Variants in PLPPR1 observed in about 807,000 individuals in gnomAD.
The protein encoded by PLPPR1 is phospholipid phosphatase-related protein type 1.
A neutral mutation model predicts 33.1 loss-of-function variants in PLPPR1; 10 were observed. The observed-to-expected ratio is 0.30, with a 90% CI of 0.19 to 0.51. The LOEUF is 0.51. Among genes scored for constraint, PLPPR1 ranks in the 20% least tolerant of loss-of-function variants. PLPPR1 has a pLI of 0.97. For missense variants in PLPPR1, 304 were observed against 408.1 expected, an observed-to-expected ratio of 0.74 and a Z score of 2.20; for synonymous variants, 151 against 151.0, an observed-to-expected ratio of 1.00 and a Z score of 0.00.
At chr9:101,167,478 T>C (rs1036424129) in intron 1 of PLPPR1, among the ~76,000 whole-genome samples, 4 of 151,698 alleles carry the variant, frequency 2.6e-5, no homozygotes, top group African/African-American at 9.7e-5. Context: ...TCTCAGGGCA[T>C]TTCCTTTCTT....
chr9:101,033,116 C>T (rs1347142832), intron 1 of PLPPR1, among the ~76,000 whole-genome samples: 1 of 152,186 alleles, frequency 6.6e-6, no homozygotes, highest in Non-Finnish European at 1.5e-5. Context: ...GCCATCAACA[C>T]TGCAGACCCA....
intron 4 of PLPPR1, among the ~76,000 whole-genome samples, chr9:101,292,588 A>C (rs906975046): frequency 4.3e-4 from 58 of 134,074 alleles, no homozygotes; most frequent in Non-Finnish European, 7.5e-4. Flanking sequence ...CTAACAGCGG[A>C]TCTCTTGGCA....
rs184240456 is a variant in PLPPR1 at position 101,058,679 on chromosome 9, T to G, written c.-46+29577T>G. Among the ~76,000 whole-genome samples, 3 of 152,308 alleles carry G rather than the reference T, an allele frequency of 2.0e-5. No homozygotes were observed. The East Asian group carries it at 5.8e-4, about 29-fold the overall frequency. ...TAAATTATTTTTTTCTAATTTTCTA[T>G]GCCATCTCTTTTATTTCTCACTGCT... On this transcript the variant is annotated intron_variant, in intron 1 of 7. Coordinates refer to ENST00000374874, the MANE Select transcript of PLPPR1 (RefSeq NM_207299.2).
rs201003910 is a variant in PLPPR1 at position 101,309,269 on chromosome 9, C to T, written c.444C>T (p.Val148=). ...TTTTTGTAAACGCCGGACAAGTGGTCACTGGGCACTTAACGCCATACTTCC... is the reference window on the plus strand; with the variant it reads ...TTTTTGTAAACGCCGGACAAGTGGTTACTGGGCACTTAACGCCATACTTCC... ...TDIFVNAGQV[V]TGHLTPYFLT... is the part of the protein sequence containing the mutation. Residue 148 remains valine (V), a synonymous_variant, in exon 5 of 8, where the codon GTC becomes GTT. Coordinates refer to ENST00000374874, the MANE Select transcript of PLPPR1 (RefSeq NM_207299.2). 6.8e-6 allele frequency: 11 copies of T among 1,614,128 alleles called. No individual in the cohort carries two copies. The highest frequency in any genetic ancestry group is 9.3e-6 in the Non-Finnish European group (11 of 1,180,024).
At chr9:101,230,577 C>T (rs1827161171) in intron 2 of PLPPR1, among the ~76,000 whole-genome samples, 2 of 152,092 alleles carry the variant, frequency 1.3e-5, no homozygotes, top group South Asian at 4.1e-4. Flanking sequence ...CTGTGGTTTT[C>T]TAGCACTATC....
chr9:101,133,942 C>T (rs985812685), intron 1 of PLPPR1, among the ~76,000 whole-genome samples: 4 of 152,076 alleles, frequency 2.6e-5, no homozygotes, highest in East Asian at 1.9e-4. Context: ...AAATTGGATC[C>T]GTAATACTAT....
chr9:101,323,318 GAC>G (rs1265031045), intron 7 of PLPPR1, among the ~76,000 whole-genome samples: 3 of 151,406 alleles, frequency 2.0e-5, no homozygotes, highest in African/African-American at 7.3e-5. Flanking sequence ...AACATAGTGA[GAC>G]ACTGTCTCTA....
At chr9:101,086,403 A>G (rs1456638698) in intron 1 of PLPPR1, among the ~76,000 whole-genome samples, 2 of 152,226 alleles carry the variant, frequency 1.3e-5, no homozygotes, top group Non-Finnish European at 2.9e-5. Flanking sequence ...GAGTTGTCCT[A>G]TGATGGGTCA....
intron 6 of PLPPR1, among the ~76,000 whole-genome samples, chr9:101,316,446 G>GA (rs918346531): frequency 8.6e-5 from 13 of 150,978 alleles, no homozygotes; most frequent in Non-Finnish European, 1.6e-4. Flanking sequence ...CAAAAAAAAA[G>GA]AAAAAAGAAA....
At chr9:101,145,050 C>T (rs1005429415) in intron 1 of PLPPR1, among the ~76,000 whole-genome samples, 1 of 152,074 alleles carries the variant, frequency 6.6e-6, no homozygotes, top group Admixed American at 6.6e-5. Context: ...TTTCAGTTAA[C>T]ATAATGTCCT....
chr9:101,113,458 T>G (rs1831081542), intron 1 of PLPPR1, among the ~76,000 whole-genome samples: 1 of 152,124 alleles, frequency 6.6e-6, no homozygotes, highest in Non-Finnish European at 1.5e-5. Context: ...GAAATAGATC[T>G]CTTATAAGAT....
intron 2 of PLPPR1, among the ~76,000 whole-genome samples, chr9:101,213,041 C>T (rs1290569503): frequency 1.3e-5 from 2 of 152,086 alleles, no homozygotes; most frequent in Non-Finnish European, 2.9e-5. Context: ...GCTATTATTG[C>T]CTTCACTTTA....
At chr9:101,185,736 T>A (rs1305148541) in intron 2 of PLPPR1, among the ~76,000 whole-genome samples, 179 bp downstream of exon 2, 1 of 151,784 alleles carries the variant, frequency 6.6e-6, no homozygotes, top group Non-Finnish European at 1.5e-5. Context: ...AGTCATAGAG[T>A]AAGAATTTTT....
At chr9:101,279,784 A>G (rs1828263094) in intron 3 of PLPPR1, among the ~76,000 whole-genome samples, 1 of 152,130 alleles carries the variant, frequency 6.6e-6, no homozygotes. Flanking sequence ...AACACAACAT[A>G]CCAAAGTGGA....
intron 2 of PLPPR1, among the ~76,000 whole-genome samples, chr9:101,247,762 C>G (rs1448410583): frequency 6.6e-6 from 1 of 152,068 alleles, no homozygotes; most frequent in South Asian, 2.1e-4. Flanking sequence ...TCACTGGCCC[C>G]CAGGTAGAGG....
intron 7 of PLPPR1, among the ~76,000 whole-genome samples, chr9:101,318,129 A>T (rs1361016219): frequency 6.6e-6 from 1 of 151,954 alleles, no homozygotes; most frequent in African/African-American, 2.4e-5. Context: ...CCAAGAGTTG[A>T]AGACCAACCT....
At chr9:101,167,993 C>T (rs1306757595) in intron 1 of PLPPR1, among the ~76,000 whole-genome samples, 1 of 151,734 alleles carries the variant, frequency 6.6e-6, no homozygotes, top group Non-Finnish European at 1.5e-5. Flanking sequence ...AGGGAAATTC[C>T]CCTTTGTAAA....
chr9:101,308,714 T>G (rs978955888), intron 4 of PLPPR1, among the ~76,000 whole-genome samples: 7 of 151,306 alleles, frequency 4.6e-5, no homozygotes, highest in South Asian at 2.1e-4. Context: ...AAATAACTCC[T>G]CCCAAGATGA....
intron 1 of PLPPR1, among the ~76,000 whole-genome samples, chr9:101,037,144 T>A (rs1830019745): frequency 6.6e-6 from 1 of 152,142 alleles, no homozygotes; most frequent in South Asian, 2.1e-4. Flanking sequence ...ATCGTGCTGT[T>A]ATTTCCTCAT....
Sources: gnomAD v4.1 joint callset for allele counts (sites outside exome capture counted in the v4.1 genomes callset) on GRCh38, gnomAD v4.1.1 for gene constraint, MANE v1.5 for transcripts, NCBI Gene and HGNC (gene_info 2026-07-23, HGNC 2026-07-21) for gene names.